PTK7: variants seen among roughly 807,000 people sequenced by gnomAD.
PTK7 encodes protein tyrosine kinase 7 (inactive), also known as inactive tyrosine-protein kinase 7.
A neutral mutation model predicts 116.6 loss-of-function variants in PTK7; 39 were observed. The observed-to-expected ratio is 0.33, with a 90% CI of 0.26 to 0.44. PTK7 has a LOEUF of 0.44. Among genes scored for constraint, PTK7 ranks in the 20% least tolerant of loss-of-function variants. The pLI is 1.00. For synonymous variants in PTK7, 546 were observed against 563.6 expected, an observed-to-expected ratio of 0.97 and a Z score of 0.44; for missense variants, 1,169 against 1,425.6, an observed-to-expected ratio of 0.82 and a Z score of 2.90.
At chr6:43,092,375 A>G (rs1369563846) in intron 1 of PTK7, among the ~76,000 whole-genome samples, 2 of 151,660 alleles carry the variant, frequency 1.3e-5, no homozygotes, top group South Asian at 2.1e-4. Flanking sequence ...TCTGTTGCCC[A>G]GGCTGATCTT....
intron 1 of PTK7, among the ~76,000 whole-genome samples, chr6:43,124,949 G>A (rs2150421000): frequency 6.6e-6 from 1 of 152,254 alleles, no homozygotes; most frequent in South Asian, 2.1e-4. Context: ...GAGGCGGGTG[G>A]ATCACCTGAG....
intron 14 of PTK7, 90 bp from the exon 15 acceptor site, chr6:43,144,361 A>C (rs751438144): frequency 6.5e-7 from 1 of 1,535,514 alleles, no homozygotes; most frequent in East Asian, 2.3e-5. Flanking sequence ...CAAGTTGGCA[A>C]GAGTGGAAGA....
chr6:43,158,557 C>T (rs73736716), intron 17 of PTK7, among the ~76,000 whole-genome samples: 17,774 of 152,176 alleles, frequency 0.12, 1,426 homozygotes, highest in African/African-American at 0.23. Context: ...GGCCCATGTG[C>T]CACTCACTTA....
intron 7 of PTK7, among the ~76,000 whole-genome samples, chr6:43,135,295 T>C (rs1769961717): frequency 6.6e-6 from 1 of 152,212 alleles, no homozygotes; most frequent in Admixed American, 6.5e-5. Context: ...GCTCTGGGAA[T>C]GCATTCAGTC....
intron 1 of PTK7, among the ~76,000 whole-genome samples, chr6:43,082,751 G>A (rs76261685): frequency 0.022 from 3,339 of 152,302 alleles, 56 homozygotes; most frequent in Non-Finnish European, 0.034. Context: ...TCCATTAAAT[G>A]TGTGACTCTA....
Position 43,076,357 on chromosome 6 carries a change from C to G in PTK7, c.-132C>G, listed in dbSNP as rs983877579. 74 of 523,866 alleles carry G rather than the reference C, an allele frequency of 1.4e-4. No individual in the cohort carries two copies. Among genetic ancestry groups the G allele is most frequent in the African/African-American group, 1.3e-3 (63 of 48,736 alleles). The allele number at this position is 523,866 out of a possible 1,614,324, so 32.5% of individuals were successfully genotyped here. A position where few individuals can be genotyped will look rare whatever the true frequency, so the allele number is the denominator to read the frequency against. ...CGGCTCGGGACGCCTCGGGACGCCTCGGGGTCGGGCTCCGGCTGCGGCTGC... is the reference window on the plus strand; with the variant it reads ...CGGCTCGGGACGCCTCGGGACGCCTGGGGGTCGGGCTCCGGCTGCGGCTGC... On this transcript the variant is annotated 5_prime_UTR_variant, in exon 1 of 20. Coordinates refer to ENST00000230419, the MANE Select transcript of PTK7 (RefSeq NM_002821.5). This position sits in a 1 kb window ranked among gnomAD's most constrained non-coding sequence, Gnocchi z 5.7.
intron 1 of PTK7, among the ~76,000 whole-genome samples, chr6:43,127,725 C>T (rs912322165): frequency 3.9e-5 from 6 of 152,144 alleles, no homozygotes; most frequent in Admixed American, 1.3e-4. Context: ...GTCAGGAGAT[C>T]GAGACCATCC....
At position 43,144,611 on chromosome 6, in the gene PTK7, G is replaced by C; in HGVS notation, c.2407+5G>C. The C allele has an allele frequency of 6.2e-7, 1 of 1,605,702 alleles. No homozygotes were observed. Among genetic ancestry groups the C allele is most frequent in the Non-Finnish European group, 8.5e-7 (1 of 1,174,418 alleles). ...TGCAGCCCATCACCACGCTGGGTATGTTGCCTTGACTACAGCTGCCCCTGC... is the reference window on the plus strand; with the variant it reads ...TGCAGCCCATCACCACGCTGGGTATCTTGCCTTGACTACAGCTGCCCCTGC... On this transcript the variant is annotated splice_donor_5th_base_variant and intron_variant, in intron 15 of 19. Transcript: ENST00000230419.
In PTK7 at chr6:43,139,687, A is replaced by G. The variant is rs1038620873; in HGVS notation, c.1618+162A>G. ...TTAGTTAGGAAGGAAAAAGCCAGAC[A>G]CAGAAGAGGTCAGATTATAGCCTTG... is the stretch of plus-strand genomic sequence containing the variant. On this transcript the variant is annotated intron_variant, in intron 10 of 19. Coordinates refer to ENST00000230419, the MANE Select transcript of PTK7 (RefSeq NM_002821.5). This position sits in a 1 kb window ranked among gnomAD's most constrained non-coding sequence, Gnocchi z 4.6. 6.6e-6 allele frequency among the ~76,000 whole-genome samples: 1 copy of G among 152,238 alleles called. No individual in the cohort carries two copies. Among genetic ancestry groups the G allele is most frequent in the African/African-American group, 2.4e-5 (1 of 41,456 alleles).
chr6:43,122,121 C>A (rs1474226798), intron 1 of PTK7, among the ~76,000 whole-genome samples: 1 of 151,992 alleles, frequency 6.6e-6, no homozygotes, highest in Non-Finnish European at 1.5e-5. Flanking sequence ...CAGTGTGGGG[C>A]GACAGAATGA....
chr6:43,130,952 G>T (rs1382289639), intron 5 of PTK7, among the ~76,000 whole-genome samples: 1 of 151,550 alleles, frequency 6.6e-6, no homozygotes, highest in Non-Finnish European at 1.5e-5. Flanking sequence ...AGAGACCCCA[G>T]GGATGAGAGA....
chr6:43,157,364 A>ATATATATATTTTTTTTT (rs70990168), intron 17 of PTK7, among the ~76,000 whole-genome samples: 4 of 54,358 alleles, frequency 7.4e-5, no homozygotes, highest in Admixed American at 2.4e-4. Flanking sequence ...ATATATATAT[A>ATATATATATTTTTTTTT]TTTTTTTTTT....
chr6:43,148,265 G>A (rs534127362), intron 17 of PTK7, among the ~76,000 whole-genome samples: 3 of 151,238 alleles, frequency 2.0e-5, no homozygotes, highest in Non-Finnish European at 4.4e-5. Context: ...AGGGAGGGGA[G>A]GGGGGGAAAG....
At chr6:43,146,438 C>T (rs534541715) in intron 16 of PTK7, among the ~76,000 whole-genome samples, 180 bp from the exon 17 acceptor site, 112 of 146,798 alleles carry the variant, frequency 7.6e-4, no homozygotes, top group African/African-American at 2.8e-3. Context: ...GGAGGCGTCT[C>T]CTATATATTT....
chr6:43,155,677 C>T (rs1037888331), intron 17 of PTK7, among the ~76,000 whole-genome samples: 3 of 151,484 alleles, frequency 2.0e-5, no homozygotes, highest in Non-Finnish European at 2.9e-5. Flanking sequence ...AATTTAGTTA[C>T]GTTTCATATA....
intron 1 of PTK7, among the ~76,000 whole-genome samples, chr6:43,110,043 C>T (rs2150401331): frequency 7.2e-6 from 1 of 139,498 alleles, no homozygotes; most frequent in Non-Finnish European, 1.5e-5. Context: ...ATCGCCCAGG[C>T]TAGAGTGCAG....
intron 1 of PTK7, among the ~76,000 whole-genome samples, chr6:43,095,280 G>A (rs1767185113): frequency 6.6e-6 from 1 of 151,790 alleles, no homozygotes; most frequent in Non-Finnish European, 1.5e-5. Flanking sequence ...GCTAAGGCAG[G>A]AGAATCGCTT....
intron 1 of PTK7, among the ~76,000 whole-genome samples, chr6:43,125,604 G>C (rs1769243483): frequency 6.6e-6 from 1 of 152,236 alleles, no homozygotes; most frequent in Admixed American, 6.5e-5. Context: ...TCTGGGAGTG[G>C]TCCTGGCACT....
chr6:43,113,533 C>T (rs1293608980), intron 1 of PTK7, among the ~76,000 whole-genome samples: 3 of 152,142 alleles, frequency 2.0e-5, no homozygotes, highest in African/African-American at 7.2e-5. Flanking sequence ...TCCTTCTGGC[C>T]CTAGGCTCTT....
Sources: gnomAD v4.1 joint callset for allele counts (sites outside exome capture counted in the v4.1 genomes callset) on GRCh38, gnomAD v4.1.1 for gene constraint, Gnocchi (gnomAD v3.1) non-coding constraint, MANE v1.5 for transcripts, NCBI Gene and HGNC (gene_info 2026-07-23, HGNC 2026-07-21) for gene names.